Variants in LDB2 observed in about 807,000 individuals in gnomAD.
LDB2 encodes the protein LIM domain binding 2.
In LDB2, 12 loss-of-function variants were observed where a neutral mutation model predicts 44.3. The ratio of observed to expected loss-of-function variants is 0.27; its 90% CI spans 0.17 to 0.44. The LOEUF (loss-of-function observed/expected upper bound fraction) is 0.44, where lower values mean the gene tolerates loss of function less well. LDB2 is among the 20% of genes least tolerant of loss of function. The probability of loss-of-function intolerance (pLI) is 1.00; values close to 1 mark genes in which losing one functional copy is unlikely to be tolerated. For missense variants in LDB2, 344 were observed against 473.5 expected (o/e 0.73, Z 2.54); for synonymous variants, 164 against 174.8 (o/e 0.94, Z 0.49).
At chr4:16,587,236 C>T (rs1434354183) in intron 4 of LDB2, among the ~76,000 whole-genome samples, 1 of 152,160 alleles carries the variant, frequency 6.6e-6, no homozygotes, top group Non-Finnish European at 1.5e-5. Flanking sequence ...AGCCAATCGC[C>T]AAAACCTGTA....
chr4:16,628,541 A>C (rs1433054020), intron 2 of LDB2, among the ~76,000 whole-genome samples: 2 of 151,904 alleles, frequency 1.3e-5, no homozygotes, highest in Non-Finnish European at 2.9e-5. Flanking sequence ...GCCTGACAAA[A>C]CACTACCCGT....
intron 5 of LDB2, among the ~76,000 whole-genome samples, chr4:16,519,664 T>C (rs1479086921): frequency 6.7e-6 from 1 of 149,516 alleles, no homozygotes. Context: ...GGAACCAGAT[T>C]CATCTGGGTT....
intron 2 of LDB2, among the ~76,000 whole-genome samples, chr4:16,655,210 A>G (rs1350454380): frequency 1.3e-5 from 2 of 152,140 alleles, no homozygotes; most frequent in Non-Finnish European, 2.9e-5. Flanking sequence ...GACACTAGCC[A>G]TGGGGGACAG....
chr4:16,588,948 T>C, intron 3 of LDB2, 116 bp from the exon 4 acceptor site: 3 of 1,045,094 alleles, frequency 2.9e-6, no homozygotes, highest in South Asian at 3.1e-5. Flanking sequence ...TGCTAGCTCT[T>C]GGTAAAGATG....
intron 2 of LDB2, among the ~76,000 whole-genome samples, chr4:16,713,575 C>T (rs1157553010): frequency 6.6e-6 from 1 of 152,108 alleles, no homozygotes; most frequent in Non-Finnish European, 1.5e-5. Flanking sequence ...TACTGTGAAT[C>T]ATTGTGTAGT....
chr4:16,779,141 G>A (rs1772604923), intron 1 of LDB2, among the ~76,000 whole-genome samples: 1 of 152,156 alleles, frequency 6.6e-6, no homozygotes, highest in African/African-American at 2.4e-5. Context: ...GAGCTGGAGG[G>A]GAGCCTCCGC....
chr4:16,813,896 G>A (rs941589888), intron 1 of LDB2, among the ~76,000 whole-genome samples: 1 of 150,782 alleles, frequency 6.6e-6, no homozygotes, highest in Non-Finnish European at 1.5e-5. Context: ...TTTTTGAGAG[G>A]AGTCTGGCTC....
intron 2 of LDB2, among the ~76,000 whole-genome samples, chr4:16,715,349 G>A (rs1350265716): frequency 6.6e-6 from 1 of 152,160 alleles, no homozygotes; most frequent in East Asian, 1.9e-4. Flanking sequence ...AAACAGCACA[G>A]TAGGCACTCA....
intron 2 of LDB2, among the ~76,000 whole-genome samples, chr4:16,644,568 C>T (rs1736152343): frequency 6.6e-6 from 1 of 151,966 alleles, no homozygotes; most frequent in Non-Finnish European, 1.5e-5. Context: ...GCTGGCATTA[C>T]AGGCATGTGC....
chr4:16,859,091 A>G (rs2110243846), intron 1 of LDB2, among the ~76,000 whole-genome samples: 1 of 152,172 alleles, frequency 6.6e-6, no homozygotes, highest in South Asian at 2.1e-4. Context: ...CACTACCACC[A>G]CTCCACAACA....
At chr4:16,644,821 T>C (rs1216903647) in intron 2 of LDB2, among the ~76,000 whole-genome samples, 1 of 152,194 alleles carries the variant, frequency 6.6e-6, no homozygotes, top group Non-Finnish European at 1.5e-5. Flanking sequence ...ATTAAACTAG[T>C]TCTTTTCCGA....
chr4:16,804,851 A>G lies in LDB2; in HGVS notation c.133-45591T>C, dbSNP rs529163767. Among the ~76,000 whole-genome samples the G allele has an allele frequency of 2.0e-5, 3 of 152,324 alleles. No individual in the cohort carries two copies. In the South Asian group the frequency reaches 6.2e-4, roughly 32 times the overall value. On this transcript the variant is annotated intron_variant, in intron 1 of 7. Transcript: ENST00000304523. The stretch of plus-strand genomic sequence containing the variant: ...TGAATATATGTCTGCCTTGGCCACC[A>G]TAACAAAGTGCAATAGACTGGGTAG...
chr4:16,639,072 A>G (rs561360888), intron 2 of LDB2, among the ~76,000 whole-genome samples: 15 of 152,358 alleles, frequency 9.8e-5, no homozygotes, highest in Admixed American at 9.1e-4. Flanking sequence ...CAAGTTTCAG[A>G]GCAAAGTTTG....
intron 2 of LDB2, among the ~76,000 whole-genome samples, chr4:16,631,086 G>T (rs964166060): frequency 6.6e-6 from 1 of 152,092 alleles, no homozygotes; most frequent in African/African-American, 2.4e-5. Context: ...AAGTGGACAT[G>T]ATAGACATCT....
At chr4:16,699,808 A>C (rs1221736473) in intron 2 of LDB2, among the ~76,000 whole-genome samples, 1 of 152,204 alleles carries the variant, frequency 6.6e-6, no homozygotes, top group Non-Finnish European at 1.5e-5. Flanking sequence ...GAACACAGAC[A>C]TGTGCCTCAG....
chr4:16,624,751 G>T (rs1373453498), intron 2 of LDB2, among the ~76,000 whole-genome samples: 1 of 151,988 alleles, frequency 6.6e-6, no homozygotes, highest in Admixed American at 6.6e-5. Context: ...TATCCAGCAT[G>T]GTCTCTTCCA....
chr4:16,888,079 G>A (rs1722274106), intron 1 of LDB2, among the ~76,000 whole-genome samples: 1 of 152,214 alleles, frequency 6.6e-6, no homozygotes, highest in Non-Finnish European at 1.5e-5. Context: ...TATCAGTCCA[G>A]ACACGCAGGT....
intron 1 of LDB2, among the ~76,000 whole-genome samples, chr4:16,809,563 A>G (rs1979488): frequency 0.86 from 130,920 of 152,060 alleles, 56,986 homozygotes; most frequent in Middle Eastern, 0.96. Flanking sequence ...CAGGGAGTGG[A>G]TTTCTGTCCC....
intron 1 of LDB2, among the ~76,000 whole-genome samples, chr4:16,846,578 T>C (rs565553881): frequency 4.6e-5 from 7 of 152,312 alleles, no homozygotes; most frequent in Admixed American, 2.6e-4. Flanking sequence ...AGAGTATTTC[T>C]AGAGCTATAA....
Sources: allele counts gnomAD v4.1 joint callset (sites outside exome capture counted in the v4.1 genomes callset), GRCh38; gene constraint gnomAD v4.1.1; transcripts MANE v1.5; gene names NCBI Gene and HGNC (gene_info 2026-07-23, HGNC 2026-07-21).